The following FBXL13 variants were observed in gnomAD, a reference collection of about 807,000 sequenced individuals.
The protein encoded by FBXL13 is F-box and leucine rich repeat protein 13.
Under a neutral mutation model 83.6 loss-of-function variants are expected in FBXL13, and 67 were observed. That is an observed-to-expected ratio of 0.80 (90% CI 0.66 to 0.98). The LOEUF is 0.98. Among genes scored for constraint, FBXL13 ranks in the 50% least tolerant of loss-of-function variants. The pLI, the probability that FBXL13 is intolerant of heterozygous loss-of-function variation, is 0.00. For missense variants in FBXL13, 822 were observed against 866.5 expected (o/e 0.95, Z 0.64); for synonymous variants, 272 against 299.5 (o/e 0.91, Z 0.95).
At chr7:103,008,304 A>G (rs1791199839) in intron 6 of FBXL13, among the ~76,000 whole-genome samples, 1 of 152,184 alleles carries the variant, frequency 6.6e-6, no homozygotes, top group Non-Finnish European at 1.5e-5. Flanking sequence ...CAATTGCAAC[A>G]TATGAACTGG....
At chr7:102,835,914 A>T (rs997523901) in intron 17 of FBXL13, among the ~76,000 whole-genome samples, 1 of 152,196 alleles carries the variant, frequency 6.6e-6, no homozygotes. Context: ...CGGCCCCGAC[A>T]TTGTTTTTCC....
rs115656929 is a variant in FBXL13, at chr7:102,981,875, A to G, written c.496-13758T>C. 1.8e-3 allele frequency among the ~76,000 whole-genome samples: 272 copies of G among 152,316 alleles called. 2 individuals are homozygous for G. The highest frequency in any genetic ancestry group is 6.3e-3 in the African/African-American group (260 of 41,554). ...TTTGCGGGACATAAACATTCAGTCT[A>G]TAGCAACTATGTTTCCCAAATTCCA... is the stretch of plus-strand genomic sequence containing the variant. On this transcript the variant is annotated intron_variant, in intron 6 of 19. Transcript: ENST00000313221.
chr7:103,014,290 G>A (rs989028207), intron 6 of FBXL13, among the ~76,000 whole-genome samples: 1 of 152,110 alleles, frequency 6.6e-6, no homozygotes, highest in East Asian at 1.9e-4. Context: ...GGGAGGTTGA[G>A]GCTGCAGTGA....
At chr7:102,910,779 G>C (rs988705473) in intron 11 of FBXL13, among the ~76,000 whole-genome samples, 4 of 152,140 alleles carry the variant, frequency 2.6e-5, no homozygotes, top group Non-Finnish European at 5.9e-5. Flanking sequence ...AATTATTTGA[G>C]GCAAGGTCTC....
chr7:102,973,969 C>T (rs767894424), intron 6 of FBXL13, among the ~76,000 whole-genome samples: 3 of 152,186 alleles, frequency 2.0e-5, no homozygotes, highest in Admixed American at 1.3e-4. Context: ...ACGATCGCTC[C>T]TTTCATCGTC....
chr7:102,970,176 G>C (rs971160749), intron 6 of FBXL13, among the ~76,000 whole-genome samples: 1 of 151,482 alleles, frequency 6.6e-6, no homozygotes, highest in Admixed American at 6.6e-5. Flanking sequence ...GTTTGAGCCT[G>C]GGAGGCTGCG....
At chr7:103,058,800 T>C (rs1473664652) in intron 1 of FBXL13, among the ~76,000 whole-genome samples, 2 of 152,190 alleles carry the variant, frequency 1.3e-5, no homozygotes, top group Non-Finnish European at 2.9e-5. Context: ...ATCTGGTTAA[T>C]GTATGTGAGA....
intron 6 of FBXL13, among the ~76,000 whole-genome samples, chr7:102,999,869 G>C (rs1790209503): frequency 6.6e-6 from 1 of 151,446 alleles, no homozygotes; most frequent in Non-Finnish European, 1.5e-5. Context: ...TTGATCATTT[G>C]CATTTTTTCA....
intron 2 of FBXL13, among the ~76,000 whole-genome samples, chr7:103,036,461 T>C (rs1362341385): frequency 1.3e-5 from 2 of 152,150 alleles, no homozygotes; most frequent in East Asian, 1.9e-4. Context: ...GTATGAAGTG[T>C]TGAATTTTTC....
intron 11 of FBXL13, among the ~76,000 whole-genome samples, chr7:102,909,943 T>C (rs1251218247): frequency 6.6e-6 from 1 of 152,162 alleles, no homozygotes; most frequent in East Asian, 1.9e-4. Context: ...TCTCTGTGCC[T>C]AGTTGAGCAC....
intron 10 of FBXL13, among the ~76,000 whole-genome samples, chr7:102,923,337 G>A (rs1345283561): frequency 1.3e-5 from 2 of 152,070 alleles, no homozygotes; most frequent in African/African-American, 2.4e-5. Flanking sequence ...GTTTTCCGTG[G>A]TATAGAATAC....
intron 10 of FBXL13, among the ~76,000 whole-genome samples, chr7:102,922,568 C>G (rs1817268182): frequency 6.6e-6 from 1 of 152,084 alleles, no homozygotes; most frequent in Non-Finnish European, 1.5e-5. Flanking sequence ...ATAAAACATA[C>G]CATATTCTTT....
rs573823011 is a variant in FBXL13 at position 102,845,141 on chromosome 7, C to G, written c.1719+9636G>C. On this transcript the variant is annotated intron_variant, in intron 17 of 19. Coordinates refer to ENST00000313221, the Ensembl canonical transcript of FBXL13. Reference sequence around the variant, plus strand: ...ATCAATTATTAGCTCAATCTCCAGCCCCTCTCCCCTTCCCAAAGGATGGGG... The same window carrying G: ...ATCAATTATTAGCTCAATCTCCAGCGCCTCTCCCCTTCCCAAAGGATGGGG... 1.6e-3 allele frequency among the ~76,000 whole-genome samples: 238 copies of G among 152,204 alleles called. 1 individual carries two copies. Among genetic ancestry groups the G allele is most frequent in the Non-Finnish European group, 2.5e-4 (17 of 68,012 alleles).
At chr7:102,825,040 T>C (rs1799392957) in intron 18 of FBXL13, among the ~76,000 whole-genome samples, 3 of 152,238 alleles carry the variant, frequency 2.0e-5, no homozygotes, top group South Asian at 2.1e-4. Context: ...TAGTTTATCA[T>C]TTACATATTT....
At chr7:102,893,610 C>CA (rs1313820630) in intron 11 of FBXL13, among the ~76,000 whole-genome samples, 4 of 151,238 alleles carry the variant, frequency 2.6e-5, no homozygotes, top group African/African-American at 7.3e-5. Context: ...ACTAAAAATA[C>CA]AAAAAAAATT....
intron 2 of FBXL13, among the ~76,000 whole-genome samples, chr7:103,039,204 G>A (rs921796414): frequency 6.6e-6 from 1 of 152,172 alleles, no homozygotes; most frequent in Non-Finnish European, 1.5e-5. Flanking sequence ...ATTCCATCAA[G>A]TGGAAGAAAG....
At chr7:102,883,639 C>G in exon 13 of FBXL13, 1 of 1,611,652 alleles carries the variant, frequency 6.2e-7, no homozygotes, top group South Asian at 1.1e-5. Context: ...ATGCGGTGCA[C>G]CAGTGAAAAC....
intron 8 of FBXL13, among the ~76,000 whole-genome samples, chr7:102,940,137 G>A (rs1359907368): frequency 4.6e-5 from 7 of 151,504 alleles, no homozygotes; most frequent in East Asian, 1.9e-4. Flanking sequence ...CAGGTGATCC[G>A]CCCACCTTGG....
intron 2 of FBXL13, among the ~76,000 whole-genome samples, chr7:103,044,987 C>T (rs923882874): frequency 2.6e-5 from 4 of 152,118 alleles, no homozygotes; most frequent in Non-Finnish European, 4.4e-5. Flanking sequence ...AAACTTCAGC[C>T]GAATTAAATG....
Sources: gnomAD v4.1 joint callset for allele counts (sites outside exome capture counted in the v4.1 genomes callset) on GRCh38, gnomAD v4.1.1 for gene constraint, MANE v1.5 for transcripts, NCBI Gene and HGNC (gene_info 2026-07-23, HGNC 2026-07-21) for gene names.